Variants in HCRTR2 observed in about 807,000 individuals in gnomAD.
HCRTR2 encodes the protein orexin receptor type 2.
Under a neutral mutation model 49.0 loss-of-function variants are expected in HCRTR2, and 22 were observed. The ratio of observed to expected loss-of-function variants is 0.45; its 90% CI spans 0.32 to 0.64. HCRTR2 has a LOEUF of 0.64. Ranked by LOEUF, HCRTR2 falls within the 30% of genes least tolerant of loss-of-function variation. HCRTR2 has a pLI of 0.04. For synonymous variants in HCRTR2, 236 were observed against 205.3 expected (o/e 1.15, Z -1.28); for missense variants, 491 against 559.4 (o/e 0.88, Z 1.23).
At chr6:55,244,793 G>A (rs1451202745) in intron 1 of HCRTR2, among the ~76,000 whole-genome samples, 2 of 151,952 alleles carry the variant, frequency 1.3e-5, no homozygotes, top group Non-Finnish European at 2.9e-5. Context: ...TAGAGTTTCG[G>A]GTCTTACATT....
chr6:55,127,111 G>C (rs544999600), intron 1 of HCRTR2, among the ~76,000 whole-genome samples: 1 of 152,028 alleles, frequency 6.6e-6, no homozygotes, highest in Non-Finnish European at 1.5e-5. Context: ...GGCGCCACTG[G>C]GGTATGGGAA....
chr6:55,275,400 G>A (rs955341944), intron 4 of HCRTR2, among the ~76,000 whole-genome samples: 1 of 152,056 alleles, frequency 6.6e-6, no homozygotes, highest in African/African-American at 2.4e-5. Context: ...GCTCAGTAAT[G>A]TCAGTTATTC....
chr6:55,259,746 C>A (rs1490853504), intron 3 of HCRTR2, among the ~76,000 whole-genome samples: 2 of 151,728 alleles, frequency 1.3e-5, no homozygotes, highest in Non-Finnish European at 2.9e-5. Context: ...ATATTTAAAA[C>A]TTTTTTAAAT....
At chr6:55,122,207 G>A (rs567193835) in intron 1 of HCRTR2, among the ~76,000 whole-genome samples, 11 of 152,098 alleles carry the variant, frequency 7.2e-5, no homozygotes, top group East Asian at 3.9e-4. Flanking sequence ...TGTATGTGTC[G>A]AGGAATTTAT....
chr6:55,223,020 A>G (rs1313721145), intron 1 of HCRTR2, among the ~76,000 whole-genome samples: 2 of 152,242 alleles, frequency 1.3e-5, no homozygotes, highest in Non-Finnish European at 2.9e-5. Context: ...AAAAAACGAG[A>G]AACAGTAGAG....
chr6:55,134,951 T>C (rs1032777406), intron 1 of HCRTR2, among the ~76,000 whole-genome samples: 1 of 152,004 alleles, frequency 6.6e-6, no homozygotes, highest in African/African-American at 2.4e-5. Flanking sequence ...GTGATGAACA[T>C]GGAGTGCAGA....
intron 1 of HCRTR2, among the ~76,000 whole-genome samples, chr6:55,242,497 C>T (rs910342063): frequency 2.0e-5 from 3 of 151,972 alleles, no homozygotes; most frequent in Admixed American, 2.0e-4. Context: ...TTAATATAAT[C>T]AAAACTAAAT....
At chr6:55,165,977 A>T (rs1290567027) in intron 1 of HCRTR2, among the ~76,000 whole-genome samples, 5 of 151,986 alleles carry the variant, frequency 3.3e-5, no homozygotes, top group Admixed American at 1.3e-4. Flanking sequence ...TGTCATATAC[A>T]GACTTTATTA....
intron 1 of HCRTR2, among the ~76,000 whole-genome samples, chr6:55,150,969 A>G (rs1298766077): frequency 1.3e-5 from 2 of 152,212 alleles, no homozygotes; most frequent in East Asian, 3.9e-4. Flanking sequence ...TTATGTTTAT[A>G]CCATACTGTA....
chr6:55,169,327 A>G (rs2127266402), intron 1 of HCRTR2, among the ~76,000 whole-genome samples: 1 of 152,168 alleles, frequency 6.6e-6, no homozygotes, highest in East Asian at 2.0e-4. Flanking sequence ...GAGAAGAGAC[A>G]TAATTAAAAC....
intron 1 of HCRTR2, among the ~76,000 whole-genome samples, chr6:55,149,769 T>C (rs1328363630): frequency 1.3e-5 from 2 of 152,038 alleles, no homozygotes; most frequent in Non-Finnish European, 2.9e-5. Flanking sequence ...TTTAATTACA[T>C]CTGTATAAAA....
intron 2 of HCRTR2, among the ~76,000 whole-genome samples, chr6:55,254,252 A>G (rs1766607426): frequency 6.6e-6 from 1 of 152,146 alleles, no homozygotes; most frequent in African/African-American, 2.4e-5. Flanking sequence ...AAAATGTAAA[A>G]GAAATCAGAA....
intron 2 of HCRTR2, among the ~76,000 whole-genome samples, chr6:55,253,344 A>G (rs910311756): frequency 7.9e-5 from 12 of 152,234 alleles, no homozygotes; most frequent in Admixed American, 5.2e-4. Flanking sequence ...GACTTTCTGC[A>G]CTGTTGCACT....
chr6:55,251,656 T>C (rs971139979), intron 2 of HCRTR2, among the ~76,000 whole-genome samples: 2 of 152,066 alleles, frequency 1.3e-5, no homozygotes, highest in South Asian at 4.1e-4. Context: ...TTTCTACCTA[T>C]TAGTGCTTAT....
chr6:55,107,657 A>C (rs1332606894), intron 1 of HCRTR2, among the ~76,000 whole-genome samples: 2 of 151,536 alleles, frequency 1.3e-5, no homozygotes, highest in Non-Finnish European at 2.9e-5. Context: ...AGTTTCACAA[A>C]ATGTTTGACT....
chr6:55,178,852 A>T (rs115532759), intron 1 of HCRTR2, among the ~76,000 whole-genome samples: 2,705 of 152,126 alleles, frequency 0.018, 42 homozygotes, highest in Non-Finnish European at 0.023. Context: ...CTCAACTTAA[A>T]TTTGCCTGTG....
At chr6:55,231,386 T>C (rs1766111845) in intron 1 of HCRTR2, among the ~76,000 whole-genome samples, 2 of 152,148 alleles carry the variant, frequency 1.3e-5, no homozygotes, top group Non-Finnish European at 2.9e-5. Context: ...CCATATAAAA[T>C]ACACTGCATT....
chr6:55,196,089 G>A (rs1765404585), intron 1 of HCRTR2, among the ~76,000 whole-genome samples: 1 of 152,110 alleles, frequency 6.6e-6, no homozygotes, highest in Admixed American at 6.5e-5. Flanking sequence ...ATAGCATAGA[G>A]ATCTGTAATT....
chr6:55,149,137 T>C (rs1764631392), intron 1 of HCRTR2, among the ~76,000 whole-genome samples: 1 of 152,088 alleles, frequency 6.6e-6, no homozygotes, highest in Non-Finnish European at 1.5e-5. Flanking sequence ...CTTTAAATCT[T>C]CTGTTCCCTG....
Sources: allele counts gnomAD v4.1 joint callset (sites outside exome capture counted in the v4.1 genomes callset), GRCh38; gene constraint gnomAD v4.1.1; transcripts MANE v1.5; gene names NCBI Gene and HGNC (gene_info 2026-07-23, HGNC 2026-07-21).